The following CIB4 variants were observed in gnomAD, a reference collection of about 807,000 sequenced individuals.
The protein encoded by CIB4 is calcium and integrin-binding family member 4.
In CIB4, 25 loss-of-function variants were observed where a neutral mutation model predicts 25.8. The ratio of observed to expected loss-of-function variants is 0.97; its 90% CI spans 0.71 to 1.35. The LOEUF (loss-of-function observed/expected upper bound fraction) is 1.35. Among genes scored for constraint, CIB4 ranks in the 40% most tolerant of loss-of-function variants. CIB4 has a pLI of 0.00. For synonymous variants in CIB4, 75 were observed against 81.4 expected (o/e 0.92, Z 0.42); for missense variants, 235 against 228.2 (o/e 1.03, Z -0.19).
At chr2:26,616,679 C>T (rs190950085) in intron 3 of CIB4, among the ~76,000 whole-genome samples, 2 of 152,306 alleles carry the variant, frequency 1.3e-5, no homozygotes, top group East Asian at 1.9e-4. Flanking sequence ...ATGAGAAAAG[C>T]TATTCCATCT....
chr2:26,630,088 C>T (rs577847484), intron 2 of CIB4, among the ~76,000 whole-genome samples: 2 of 152,360 alleles, frequency 1.3e-5, no homozygotes, highest in African/African-American at 4.8e-5. Context: ...TCTTCCTAAT[C>T]ATCCCTGTCA....
chr2:26,599,788 T>C (rs893311286), intron 3 of CIB4, among the ~76,000 whole-genome samples: 4 of 152,192 alleles, frequency 2.6e-5, no homozygotes, highest in African/African-American at 9.7e-5. Flanking sequence ...TAAAATAATA[T>C]GATTGGCCGG....
rs948001427 is a variant in CIB4 at position 26,605,304 on chromosome 2, C to A, written c.187-9987G>T. The stretch of plus-strand genomic sequence containing the variant: ...AAAAGAAAGGTTTTTAATGTTTGTT[C>A]AAGTAAAAAAAAAAATGTCCTTCAC... On this transcript the variant is annotated intron_variant, in intron 3 of 6. Coordinates refer to ENST00000288861, the MANE Select transcript of CIB4 (RefSeq NM_001029881.3). Among the ~76,000 whole-genome samples, 8 of 151,030 alleles carry A rather than the reference C, an allele frequency of 5.3e-5. No homozygotes were observed. The South Asian group carries it at 1.7e-3, about 32-fold the overall frequency.
chr2:26,605,620 C>G (rs767015698), intron 3 of CIB4: 6 of 465,840 alleles, frequency 1.3e-5, no homozygotes, highest in African/African-American at 2.0e-5. Context: ...ACTAGAGTAT[C>G]TCTACCAGAA....
intron 3 of CIB4, chr2:26,605,459 C>G (rs1357460504): frequency 2.1e-6 from 1 of 469,784 alleles, no homozygotes; most frequent in South Asian, 1.6e-5. Context: ...TCACCACCCA[C>G]GGTGACTTGG....
chr2:26,602,501 A>T (rs1343758274), intron 3 of CIB4, among the ~76,000 whole-genome samples: 1 of 152,230 alleles, frequency 6.6e-6, no homozygotes, highest in Non-Finnish European at 1.5e-5. Context: ...AGCAAGAGGG[A>T]AGGCTAGATA....
rs897267099 is a variant in CIB4, at chr2:26,583,031, C to T, written c.439-118G>A. On this transcript the variant is annotated intron_variant, in intron 5 of 6. Transcript: ENST00000288861. ...GCTCTCCCACATGCTTAACACTTGT[C>T]TCCTGGGTCCCCTGACCCCAGTGAC... The T allele has an allele frequency of 9.2e-6, 6 of 649,470 alleles. No homozygotes were observed. The African/African-American group carries it at 1.1e-4, about 12-fold the overall frequency. The allele number at this position is 649,470 out of a possible 1,614,324, so 40.2% of individuals were successfully genotyped here. A position where few individuals can be genotyped will look rare whatever the true frequency, so the allele number is the denominator to read the frequency against.
At chr2:26,597,606 G>T (rs746907843) in intron 3 of CIB4, among the ~76,000 whole-genome samples, 6 of 152,064 alleles carry the variant, frequency 3.9e-5, no homozygotes, top group Non-Finnish European at 8.8e-5. Context: ...CCATTAAAGG[G>T]AAAATTGTTT....
In CIB4 at chr2:26,597,738, T is replaced by C. The variant is rs181972695; in HGVS notation, c.187-2421A>G. Among the ~76,000 whole-genome samples, 3 of 152,208 alleles carry C rather than the reference T, an allele frequency of 2.0e-5. No individual in the cohort carries two copies. The East Asian group carries it at 5.8e-4, about 29-fold the overall frequency. ...TGAATATATACATATGATGAGTACATGTTTCTCATTTTTTCATATTATTGC... is the reference window on the plus strand; with the variant it reads ...TGAATATATACATATGATGAGTACACGTTTCTCATTTTTTCATATTATTGC... On this transcript the variant is annotated intron_variant, in intron 3 of 6. Transcript: ENST00000288861.
intron 1 of CIB4, among the ~76,000 whole-genome samples, chr2:26,640,780 G>A (rs1669620478): frequency 6.6e-6 from 1 of 152,232 alleles, no homozygotes; most frequent in Admixed American, 6.5e-5. Context: ...CTGGGAAGGA[G>A]GGCATTGGCA....
At chr2:26,583,516 C>T (rs558292859) in intron 5 of CIB4, among the ~76,000 whole-genome samples, 80 of 152,190 alleles carry the variant, frequency 5.3e-4, no homozygotes, top group African/African-American at 1.3e-3. Context: ...GGTCGGGCTC[C>T]GTGTTCTGGG....
At chr2:26,620,456 G>C (rs1192484474) in intron 3 of CIB4, among the ~76,000 whole-genome samples, 2 of 152,194 alleles carry the variant, frequency 1.3e-5, no homozygotes, top group African/African-American at 4.8e-5. Context: ...TTGTTCTCTG[G>C]GGAGAGTATA....
At chr2:26,583,996 C>T (rs1668403581) in intron 4 of CIB4, 98 bp from the exon 5 acceptor site, 2 of 738,962 alleles carry the variant, frequency 2.7e-6, no homozygotes, top group Non-Finnish European at 4.7e-6. Context: ...GCCAGGACCC[C>T]ACAGATGCCC....
At chr2:26,583,360 G>A (rs1455727576) in intron 5 of CIB4, among the ~76,000 whole-genome samples, 3 of 152,162 alleles carry the variant, frequency 2.0e-5, no homozygotes, top group Admixed American at 6.5e-5. Context: ...GGCCGTCCTC[G>A]TGTTTGTCAC....
chr2:26,602,089 A>C (rs551097547), intron 3 of CIB4, among the ~76,000 whole-genome samples: 1 of 152,214 alleles, frequency 6.6e-6, no homozygotes, highest in Non-Finnish European at 1.5e-5. Flanking sequence ...AAACCCATAG[A>C]ACTGTACACC....
At chr2:26,588,963 TGC>T (rs1457021317) in intron 4 of CIB4, among the ~76,000 whole-genome samples, 2 of 150,362 alleles carry the variant, frequency 1.3e-5, no homozygotes, top group African/African-American at 4.9e-5. Flanking sequence ...CTGCTGCCGC[TGC>T]TGCCGCTTCT....
In CIB4 at chr2:26,605,552, T is replaced by C. The variant is rs1416178578; in HGVS notation, c.187-10235A>G. The C allele has an allele frequency of 6.4e-6, 3 of 470,976 alleles. No individual in the cohort carries two copies. The East Asian group carries it at 2.1e-4, about 33-fold the overall frequency. The allele number at this position is 470,976 out of a possible 1,614,324, so 29.2% of individuals were successfully genotyped here. A position where few individuals can be genotyped will look rare whatever the true frequency, so the allele number is the denominator to read the frequency against. On this transcript the variant is annotated intron_variant, in intron 3 of 6. Coordinates refer to ENST00000288861, the MANE Select transcript of CIB4 (RefSeq NM_001029881.3). Reference sequence around the variant, plus strand: ...TTCAGGGAAGGCTCTTCTTCCTTCATCTCACTGCCTAGGAGGAATTCCTAG... The same window carrying C: ...TTCAGGGAAGGCTCTTCTTCCTTCACCTCACTGCCTAGGAGGAATTCCTAG...
At chr2:26,636,424 T>C (rs1268917634) in intron 2 of CIB4, among the ~76,000 whole-genome samples, 2 of 152,306 alleles carry the variant, frequency 1.3e-5, no homozygotes, top group African/African-American at 4.8e-5. Context: ...CCTCTCAATA[T>C]GGTATCTAGA....
At chr2:26,628,498 G>A (rs568148983) in intron 3 of CIB4, among the ~76,000 whole-genome samples, 1 of 152,326 alleles carries the variant, frequency 6.6e-6, no homozygotes, top group East Asian at 1.9e-4. Context: ...CTAGGTGGTT[G>A]GAAGGTGAGA....
Sources: allele counts gnomAD v4.1 joint callset (sites outside exome capture counted in the v4.1 genomes callset), GRCh38; gene constraint gnomAD v4.1.1; transcripts MANE v1.5; gene names NCBI Gene and HGNC (gene_info 2026-07-23, HGNC 2026-07-21).